Variants in SH3TC2 observed in about 807,000 individuals in gnomAD.
The protein encoded by SH3TC2 is SH3 domain and tetratricopeptide repeats 2, also known as SH3 domain and tetratricopeptide repeat-containing protein 2.
A neutral mutation model predicts 124.5 loss-of-function variants in SH3TC2; 87 were observed. The observed-to-expected ratio is 0.70, with a 90% CI of 0.59 to 0.84. The LOEUF is 0.84. Among genes scored for constraint, SH3TC2 ranks in the 40% least tolerant of loss-of-function variants. The pLI, the probability that SH3TC2 is intolerant of heterozygous loss-of-function variation, is 0.00. For synonymous variants in SH3TC2, 634 were observed against 628.5 expected (o/e 1.01, Z -0.13); for missense variants, 1,536 against 1,566.4 (o/e 0.98, Z 0.33).
chr5:149,043,269 C>A (rs1009387146), intron 4 of SH3TC2, among the ~76,000 whole-genome samples: 1 of 152,124 alleles, frequency 6.6e-6, no homozygotes, highest in South Asian at 2.1e-4. Flanking sequence ...CTACATGGCT[C>A]CCCCTCAGTG....
intron 3 of SH3TC2, chr5:149,045,947 G>GTT: frequency 4.8e-6 from 2 of 418,544 alleles, no homozygotes; most frequent in African/African-American, 2.2e-5. Flanking sequence ...ACCCGGCCTG[G>GTT]TTTTTTTATA....
intron 14 of SH3TC2, 145 bp downstream of exon 14, chr5:149,010,125 G>A: frequency 9.2e-7 from 1 of 1,083,200 alleles, no homozygotes; most frequent in South Asian, 1.3e-5. Context: ...TGAAGAGAGA[G>A]TGAGTAGGTG....
intron 1 of SH3TC2, among the ~76,000 whole-genome samples, chr5:149,053,732 T>C (rs1219680461): frequency 2.0e-5 from 3 of 152,208 alleles, no homozygotes; most frequent in Non-Finnish European, 2.9e-5. Context: ...TCCCCACTTA[T>C]AAATGAAGGA....
rs1031092648 is a variant in SH3TC2, at chr5:148,982,476, A to G, written c.*22235T>C. Among the ~76,000 whole-genome samples, 16 of 152,246 alleles carry G rather than the reference A, an allele frequency of 1.1e-4. No homozygotes were observed. Among genetic ancestry groups the G allele is most frequent in the African/African-American group, 3.9e-4 (16 of 41,470 alleles). The stretch of plus-strand genomic sequence containing the variant: ...GCAGCATTGTTTACAGTAGCACAGT[A>G]TCAAAAATAACCAAATTGACACCAC... On this transcript the variant is annotated 3_prime_UTR_variant, in exon 17 of 17. Transcript: ENST00000515425.
Position 148,988,204 on chromosome 5 carries a change from G to A in SH3TC2, c.*16507C>T, listed in dbSNP as rs886060111. ...AACAAGCTAGATTTTATGAAAAGTG[G>A]GTAACAAAGCATCTTTACTCCTTCT... is the stretch of plus-strand genomic sequence containing the variant. On this transcript the variant is annotated 3_prime_UTR_variant, in exon 17 of 17. Transcript: ENST00000515425. 6.6e-6 allele frequency among the ~76,000 whole-genome samples: 1 copy of A among 152,034 alleles called. No homozygotes were observed. The highest frequency in any genetic ancestry group is 2.1e-4 in the South Asian group (1 of 4,818).
intron 8 of SH3TC2, among the ~76,000 whole-genome samples, chr5:149,033,635 A>G (rs1366188454): frequency 6.6e-6 from 1 of 152,178 alleles, no homozygotes; most frequent in Non-Finnish European, 1.5e-5. Context: ...AACTCCCTGG[A>G]GTCTGAAAGA....
At chr5:149,052,277 TAAGGAAGTTGA>T (rs1754572925) in intron 1 of SH3TC2, 37 bp from the exon 2 acceptor site, 17 of 1,526,044 alleles carry the variant, frequency 1.1e-5, no homozygotes, top group Non-Finnish European at 1.5e-5. Context: ...CTTAAGAGTG[TAAGGAAGTTGA>T]AAGCAAGTTA....
chr5:149,034,759 T>G (rs767861388), intron 8 of SH3TC2, among the ~76,000 whole-genome samples: 3 of 152,094 alleles, frequency 2.0e-5, no homozygotes, highest in African/African-American at 2.4e-5. Context: ...TAATGAAGTA[T>G]CATTATAAAA....
intron 12 of SH3TC2, among the ~76,000 whole-genome samples, chr5:149,021,944 C>T (rs1232306391): frequency 1.4e-3 from 29 of 20,500 alleles, no homozygotes; most frequent in South Asian, 5.9e-3. Context: ...GACGGAGTCT[C>T]GCTCTGTCGC....
intron 12 of SH3TC2, among the ~76,000 whole-genome samples, chr5:149,016,824 C>T (rs1320156541): frequency 2.0e-5 from 3 of 150,416 alleles, no homozygotes; most frequent in Non-Finnish European, 2.9e-5. Flanking sequence ...ACTTGGGAGG[C>T]TGAGGCAGGA....
chr5:149,019,066 C>G (rs1330819209), intron 12 of SH3TC2, among the ~76,000 whole-genome samples: 2 of 152,166 alleles, frequency 1.3e-5, no homozygotes, highest in African/African-American at 2.4e-5. Context: ...GAAATCTGTC[C>G]ATTACATCAA....
At chr5:149,005,004 G>A in intron 16 of SH3TC2, 102 bp from the exon 17 acceptor site, 3 of 1,311,972 alleles carry the variant, frequency 2.3e-6, no homozygotes, top group Non-Finnish European at 2.2e-6. Context: ...TTGTTTGTTT[G>A]TTTGTTTGTT....
rs146143252 is a variant in SH3TC2 at position 149,038,482 on chromosome 5, G to T, written c.814C>A (p.Arg272Ser). The T allele has an allele frequency of 6.8e-6, 11 of 1,613,864 alleles. No homozygotes were observed. In the South Asian group the frequency reaches 1.2e-4, roughly 18 times the overall value. Residue 272 changes from arginine to serine, a missense_variant, in exon 8 of 17, where the codon CGC (arginine) becomes AGC (serine). Coordinates refer to ENST00000515425, the MANE Select transcript of SH3TC2 (RefSeq NM_024577.4). ...WTGSYQIGRG[R>S]CKALTGYEPG... Reference sequence around the variant, plus strand: ...TCATAACCCGTCAAGGCCTTACAGCGTCCTCTGCCTGTGGAAAATAGCACA... The same window carrying T: ...TCATAACCCGTCAAGGCCTTACAGCTTCCTCTGCCTGTGGAAAATAGCACA...
Position 148,996,694 on chromosome 5 carries a change from C to G in SH3TC2, c.*8017G>C, listed in dbSNP as rs1262755366. Reference sequence around the variant, plus strand: ...TCTATGAAGTAGATGTCAGATATATCCCCAGATGAACAAACATCAGAAGTT... The same window carrying G: ...TCTATGAAGTAGATGTCAGATATATGCCCAGATGAACAAACATCAGAAGTT... On this transcript the variant is annotated 3_prime_UTR_variant, in exon 17 of 17. Transcript: ENST00000515425. 6.6e-6 allele frequency among the ~76,000 whole-genome samples: 1 copy of G among 152,084 alleles called. No homozygotes were observed. Among genetic ancestry groups the G allele is most frequent in the African/African-American group, 2.4e-5 (1 of 41,416 alleles).
intron 4 of SH3TC2, 131 bp downstream of exon 4, chr5:149,044,402 A>G (rs1561770708): frequency 1.4e-6 from 1 of 706,592 alleles, no homozygotes; most frequent in Non-Finnish European, 2.5e-6. Context: ...GAAATTTCAA[A>G]AGTTAACCAT....
chr5:149,011,630 C>T (rs191171810), intron 13 of SH3TC2, among the ~76,000 whole-genome samples: 2 of 152,248 alleles, frequency 1.3e-5, no homozygotes, highest in South Asian at 2.1e-4. Flanking sequence ...GGTTAAACTA[C>T]GTCATGCAAG....
intron 16 of SH3TC2, chr5:149,006,273 C>A (rs1753687346): frequency 1.3e-5 from 2 of 156,480 alleles, no homozygotes; most frequent in Non-Finnish European, 2.8e-5. Flanking sequence ...AAAAAGCAAG[C>A]AAGCAAAAAA....
chr5:149,058,951 T>A (rs1754698935), intron 1 of SH3TC2, among the ~76,000 whole-genome samples: 1 of 151,806 alleles, frequency 6.6e-6, no homozygotes, highest in Admixed American at 6.6e-5. Flanking sequence ...GCTGAAGAGG[T>A]GCTGTGAAAA....
At position 149,000,439 on chromosome 5, in the gene SH3TC2, G is replaced by A. The variant is rs1281067644; in HGVS notation, c.*4272C>T. On this transcript the variant is annotated 3_prime_UTR_variant, in exon 17 of 17. Transcript: ENST00000515425. Reference sequence around the variant, plus strand: ...TGCTTGCAATGAGCAACAGGACCTAGCTTGAAGTTAATGCATTATTTTATT... The same window carrying A: ...TGCTTGCAATGAGCAACAGGACCTAACTTGAAGTTAATGCATTATTTTATT... Among the ~76,000 whole-genome samples the A allele has an allele frequency of 2.6e-5, 4 of 152,116 alleles. No individual in the cohort carries two copies. Among genetic ancestry groups the A allele is most frequent in the Admixed American group, 2.6e-4 (4 of 15,278 alleles).
Sources: allele counts gnomAD v4.1 joint callset (sites outside exome capture counted in the v4.1 genomes callset), GRCh38; gene constraint gnomAD v4.1.1; transcripts MANE v1.5; gene names NCBI Gene and HGNC (gene_info 2026-07-23, HGNC 2026-07-21).